Variants in GOSR2 observed in about 807,000 individuals in gnomAD.
GOSR2 encodes the protein 27 kDa Golgi SNARE protein.
A neutral mutation model predicts 27.9 loss-of-function variants in GOSR2; 20 were observed. The observed-to-expected ratio is 0.72, with a 90% CI of 0.50 to 1.04. GOSR2 has a LOEUF of 1.04. GOSR2 is among the 50% of genes least tolerant of loss of function. The pLI is 0.00. For synonymous variants in GOSR2, 91 were observed against 98.8 expected, an observed-to-expected ratio of 0.92 and a Z score of 0.47; for missense variants, 261 against 270.5, an observed-to-expected ratio of 0.97 and a Z score of 0.25.
At chr17:46,947,592 G>A (rs2090008593) in intron 6 of GOSR2, among the ~76,000 whole-genome samples, 1 of 152,294 alleles carries the variant, frequency 6.6e-6, no homozygotes, top group East Asian at 1.9e-4. Context: ...GTGGGATGAT[G>A]TTTGAGATGG....
In GOSR2 at chr17:46,931,144, G is replaced by A. The variant is rs771228855; in HGVS notation, c.140G>A (p.Arg47His). The A allele has an allele frequency of 1.4e-5, 23 of 1,611,072 alleles. No individual in the cohort carries two copies. Among genetic ancestry groups the A allele is most frequent in the African/African-American group, 2.7e-5 (2 of 74,856 alleles). Reference protein sequence around the residue: ...IQASIDQIFSRLERLEILSSK... With the variant: ...IQASIDQIFSHLERLEILSSK... Reference sequence around the variant, plus strand: ...GCAAGCATAGACCAGATATTCAGCCGTCTAGAACGTCTGGAGATTTTGTCC... The same window carrying A: ...GCAAGCATAGACCAGATATTCAGCCATCTAGAACGTCTGGAGATTTTGTCC... The change falls in exon 3 of 6, where the codon CGT becomes CAT. Residue 47 changes from arginine (R) to histidine (H), a missense_variant. Physicochemically the swap from Arg to His is conservative, Grantham distance 29. Coordinates refer to ENST00000640051, the MANE Select transcript of GOSR2 (RefSeq NM_004287.5).
rs2146971287 is a variant in GOSR2 at position 46,935,020 on chromosome 17, C to CT, written c.337-6dup. Reference sequence around the variant, plus strand: ...CAAAGTTAATCAAGTGCCTGTGTTTCTTTCACAGGACTCTGACACCACCAT... The same window carrying CT: ...CAAAGTTAATCAAGTGCCTGTGTTTCTTTTCACAGGACTCTGACACCACCAT... On this transcript the variant is annotated splice_polypyrimidine_tract_variant and intron_variant, in intron 4 of 5. Coordinates refer to ENST00000640051, the MANE Select transcript of GOSR2 (RefSeq NM_004287.5). The CT allele has an allele frequency of 1.2e-6, 2 of 1,611,696 alleles. No individual in the cohort carries two copies. The highest frequency in any genetic ancestry group is 3.3e-4 in the Middle Eastern group (2 of 6,054).
downstream of GOSR2, among the ~76,000 whole-genome samples, chr17:46,971,881 C>T (rs1354046325): frequency 6.6e-6 from 1 of 152,210 alleles, no homozygotes; most frequent in Non-Finnish European, 1.5e-5. Context: ...TGTTGGGCAC[C>T]TCTCCCTCCC....
chr17:46,946,394 G>A (rs2089888080), downstream of GOSR2, among the ~76,000 whole-genome samples: 2 of 150,820 alleles, frequency 1.3e-5, no homozygotes, highest in East Asian at 3.9e-4. Flanking sequence ...CTGGGAGGCG[G>A]AGGTTGCAGT....
intron 1 of GOSR2, chr17:46,923,605 G>T (rs1370037085): frequency 3.9e-6 from 5 of 1,270,312 alleles, no homozygotes; most frequent in Non-Finnish European, 5.0e-6. Context: ...CTGGCCGTAG[G>T]AGTGTACTGT....
downstream of GOSR2, among the ~76,000 whole-genome samples, chr17:46,944,838 G>A (rs2089699019): frequency 6.6e-6 from 1 of 152,136 alleles, no homozygotes; most frequent in Non-Finnish European, 1.5e-5. Flanking sequence ...GACTTCAGGT[G>A]ATCCACCCAC....
chr17:46,929,769 C>G (rs2087029128), intron 2 of GOSR2, 185 bp downstream of exon 2: 1 of 590,240 alleles, frequency 1.7e-6, no homozygotes, highest in Non-Finnish European at 3.1e-6. Flanking sequence ...CCTTTGGAAT[C>G]CCACAAGTCT....
chr17:46,944,947 A>C (rs540722683), downstream of GOSR2, among the ~76,000 whole-genome samples: 1 of 152,244 alleles, frequency 6.6e-6, no homozygotes, highest in South Asian at 2.1e-4. Context: ...GAGATTGAGA[A>C]CCACGGCTGT....
intron 3 of GOSR2, 60 bp from the exon 4 acceptor site, chr17:46,932,007 C>G: frequency 6.7e-7 from 1 of 1,503,622 alleles, no homozygotes; most frequent in East Asian, 2.3e-5. Context: ...AAAGCCTGGC[C>G]CCCTCAGATT....
At chr17:46,944,232 G>A (rs2089627522), downstream of GOSR2, among the ~76,000 whole-genome samples, 1 of 152,264 alleles carries the variant, frequency 6.6e-6, no homozygotes, top group Non-Finnish European at 1.5e-5. Context: ...GAGGGAAGGA[G>A]TTGGAGACAA....
chr17:46,938,883 C>G lies in GOSR2; in HGVS notation c.*123C>G, dbSNP rs766998927. The stretch of plus-strand genomic sequence containing the variant: ...TTTGCCTGTCTGAACTGTGAAGACA[C>G]TTGGGAGTGATTGTGGTCTAATTTC... On this transcript the variant is annotated 3_prime_UTR_variant, in exon 6 of 6. Coordinates refer to ENST00000640051, the MANE Select transcript of GOSR2 (RefSeq NM_004287.5). The G allele has an allele frequency of 1.9e-6, 3 of 1,556,000 alleles. No individual in the cohort carries two copies. The highest frequency in any genetic ancestry group is 2.3e-5 in the South Asian group (2 of 86,814).
chr17:46,939,008 A>T lies in GOSR2; in HGVS notation c.*248A>T. On this transcript the variant is annotated 3_prime_UTR_variant, in exon 6 of 6. Transcript: ENST00000640051. ...AAGAAGTCCCGGGTCTGTCTCTCTC[A>T]CTCTCGCTCTCACTGGGGGAGGGAA... 2 of 1,336,926 alleles carry T rather than the reference A, an allele frequency of 1.5e-6. No individual in the cohort carries two copies. The highest frequency in any genetic ancestry group is 1.4e-5 in the South Asian group (1 of 69,250). 82.8% of individuals were successfully genotyped at this position (1,336,926 alleles called of 1,614,324 possible). A position where few individuals can be genotyped will look rare whatever the true frequency, so the allele number is the denominator to read the frequency against.
At chr17:46,966,498 C>A in intron 6 of GOSR2, 1 of 680,066 alleles carries the variant, frequency 1.5e-6, no homozygotes, top group South Asian at 1.6e-5. Context: ...CAGGTGCACC[C>A]CACCACACCC....
chr17:46,967,051 C>T (rs2091341781), downstream of GOSR2: 1 of 185,858 alleles, frequency 5.4e-6, no homozygotes, highest in East Asian at 1.3e-4. Context: ...AGGTTTGTGG[C>T]CTTCCCGCAG....
intron 6 of GOSR2, among the ~76,000 whole-genome samples, chr17:46,961,634 G>C (rs2091052421): frequency 6.6e-6 from 1 of 152,080 alleles, no homozygotes; most frequent in Non-Finnish European, 1.5e-5. Flanking sequence ...TAAATGAAAA[G>C]ATGAAATACG....
intron 6 of GOSR2, among the ~76,000 whole-genome samples, chr17:46,957,306 A>C (rs2090781706): frequency 6.6e-6 from 1 of 152,104 alleles, no homozygotes; most frequent in East Asian, 1.9e-4. Context: ...CCCTGCCTCA[A>C]AAAGAAAACA....
chr17:46,945,060 A>C (rs531904572), downstream of GOSR2, among the ~76,000 whole-genome samples: 1 of 152,276 alleles, frequency 6.6e-6, no homozygotes, highest in East Asian at 1.9e-4. Flanking sequence ...TAGTGCGGCC[A>C]TTGTGGTGGG....
chr17:46,974,877 G>A (rs1374294099), intron 6 of GOSR2, among the ~76,000 whole-genome samples: 1 of 152,164 alleles, frequency 6.6e-6, no homozygotes, highest in Non-Finnish European at 1.5e-5. Flanking sequence ...CCTTCTTCGA[G>A]GGAGTGGAAG....
chr17:46,968,612 A>C (rs1460060127), downstream of GOSR2: 1 of 152,474 alleles, frequency 6.6e-6, no homozygotes, highest in Non-Finnish European at 1.5e-5. Flanking sequence ...TGTGTGACTC[A>C]GAGAACTTAG....
Sources: gnomAD v4.1 joint callset for allele counts (sites outside exome capture counted in the v4.1 genomes callset) on GRCh38, gnomAD v4.1.1 for gene constraint, MANE v1.5 for transcripts, NCBI Gene and HGNC (gene_info 2026-07-23, HGNC 2026-07-21) for gene names.